Variants in OPCML observed in about 807,000 individuals in gnomAD.
OPCML encodes opioid-binding protein/cell adhesion molecule.
A neutral mutation model predicts 37.8 loss-of-function variants in OPCML; 13 were observed. That is an observed-to-expected ratio of 0.34 (90% CI 0.22 to 0.55). The LOEUF is 0.55. Ranked by LOEUF, OPCML falls within the 20% of genes least tolerant of loss-of-function variation. The pLI is 0.91. For synonymous variants in OPCML, 176 were observed against 168.8 expected, an observed-to-expected ratio of 1.04 and a Z score of -0.33; for missense variants, 341 against 435.6, an observed-to-expected ratio of 0.78 and a Z score of 1.93.
intron 1 of OPCML, among the ~76,000 whole-genome samples, chr11:133,053,121 G>A (rs1463027803): frequency 6.6e-5 from 10 of 152,130 alleles, no homozygotes; most frequent in Non-Finnish European, 1.3e-4. Flanking sequence ...ATCTTGGTTG[G>A]ACTCCCAGTT....
intron 2 of OPCML, among the ~76,000 whole-genome samples, chr11:132,925,762 T>C (rs1028177712): frequency 6.6e-6 from 1 of 152,196 alleles, no homozygotes; most frequent in Non-Finnish European, 1.5e-5. Flanking sequence ...TTCAATTCTC[T>C]GACGGATCTG....
At chr11:132,621,236 A>G (rs1939390345) in intron 3 of OPCML, among the ~76,000 whole-genome samples, 1 of 152,188 alleles carries the variant, frequency 6.6e-6, no homozygotes, top group Admixed American at 6.5e-5. Context: ...GTGTTAGAAA[A>G]CTGTCTGGTA....
chr11:132,741,768 T>C (rs1440387142), intron 2 of OPCML, among the ~76,000 whole-genome samples: 3 of 152,112 alleles, frequency 2.0e-5, no homozygotes, highest in African/African-American at 7.2e-5. Context: ...GGCTCATGCA[T>C]GTAATCCCAG....
chr11:133,203,244 C>T (rs1284968068), intron 1 of OPCML, among the ~76,000 whole-genome samples: 1 of 152,230 alleles, frequency 6.6e-6, no homozygotes, highest in Admixed American at 6.5e-5. Context: ...GATAGGTTTG[C>T]TCATCTGAAA....
intron 2 of OPCML, among the ~76,000 whole-genome samples, chr11:132,667,920 G>A (rs1487248717): frequency 6.6e-6 from 1 of 152,210 alleles, no homozygotes; most frequent in Non-Finnish European, 1.5e-5. Flanking sequence ...GCAATGCCTA[G>A]CTTCAGGCAT....
chr11:132,945,293 T>C (rs1359691804), intron 1 of OPCML, among the ~76,000 whole-genome samples: 1 of 152,248 alleles, frequency 6.6e-6, no homozygotes, highest in African/African-American at 2.4e-5. Flanking sequence ...ACCTAGGCTG[T>C]ATGGTAGAGC....
At chr11:132,437,190 C>T (rs1242240890) in intron 5 of OPCML, 32 bp downstream of exon 5, 2 of 1,606,270 alleles carry the variant, frequency 1.2e-6, no homozygotes, top group Non-Finnish European at 1.7e-6. Context: ...GCCGTCTTTT[C>T]CCCAGAACCC....
intron 1 of OPCML, among the ~76,000 whole-genome samples, chr11:133,143,232 A>T (rs1208739154): frequency 6.6e-6 from 1 of 152,180 alleles, no homozygotes. Flanking sequence ...AGATCTCACT[A>T]GGTCTGTCTC....
At chr11:133,138,048 C>G (rs73041167) in intron 1 of OPCML, among the ~76,000 whole-genome samples, 1 of 152,042 alleles carries the variant, frequency 6.6e-6, no homozygotes, top group African/African-American at 2.4e-5. Context: ...AAGTGGGGCC[C>G]GGTGGGAGGT....
At chr11:133,016,568 C>A (rs1947339769) in intron 1 of OPCML, among the ~76,000 whole-genome samples, 1 of 152,160 alleles carries the variant, frequency 6.6e-6, no homozygotes, top group African/African-American at 2.4e-5. Context: ...GATGTTCATC[C>A]TATTTCAAGG....
intron 1 of OPCML, among the ~76,000 whole-genome samples, chr11:133,168,019 A>G (rs994325286): frequency 2.6e-5 from 4 of 152,188 alleles, no homozygotes; most frequent in African/African-American, 9.7e-5. Flanking sequence ...ATAATAAGAG[A>G]AGATAAGAAA....
chr11:132,443,628 T>C (rs1286397623), intron 4 of OPCML, among the ~76,000 whole-genome samples: 1 of 152,206 alleles, frequency 6.6e-6, no homozygotes, highest in Non-Finnish European at 1.5e-5. Flanking sequence ...ATTCAAGCTG[T>C]CAAGGAACAC....
chr11:132,511,425 T>C (rs188926777), intron 4 of OPCML, among the ~76,000 whole-genome samples: 19 of 152,196 alleles, frequency 1.2e-4, no homozygotes, highest in South Asian at 6.2e-4. Flanking sequence ...AAACCGATTA[T>C]AAAATTATAT....
intron 3 of OPCML, among the ~76,000 whole-genome samples, chr11:132,563,920 A>C (rs1471428222): frequency 6.6e-6 from 1 of 152,170 alleles, no homozygotes; most frequent in Admixed American, 6.5e-5. Context: ...ATTTTGCCCC[A>C]AAATGCTGTT....
chr11:132,520,211 A>G (rs188971889), intron 4 of OPCML, among the ~76,000 whole-genome samples: 31 of 152,192 alleles, frequency 2.0e-4, no homozygotes, highest in African/African-American at 7.0e-4. Context: ...TTGATTCAAT[A>G]TATCATTTTA....
intron 4 of OPCML, among the ~76,000 whole-genome samples, chr11:132,486,222 C>T (rs2096199343): frequency 6.6e-6 from 1 of 152,148 alleles, no homozygotes; most frequent in Non-Finnish European, 1.5e-5. Context: ...GGGGATTCTG[C>T]AGAGGGTTTC....
At chr11:132,701,284 G>A (rs1049570970) in intron 2 of OPCML, among the ~76,000 whole-genome samples, 1 of 152,146 alleles carries the variant, frequency 6.6e-6, no homozygotes, top group African/African-American at 2.4e-5. Flanking sequence ...CAGTATGGGG[G>A]AAATTGACCC....
At chr11:132,997,765 C>T (rs1055161046) in intron 1 of OPCML, among the ~76,000 whole-genome samples, 13 of 152,208 alleles carry the variant, frequency 8.5e-5, no homozygotes, top group Admixed American at 7.2e-4. Context: ...TCCACAAATA[C>T]TAATTCCTTC....
intron 3 of OPCML, among the ~76,000 whole-genome samples, chr11:132,601,210 C>G (rs1937866443): frequency 6.6e-6 from 1 of 152,046 alleles, no homozygotes. Flanking sequence ...AATGGTTTCT[C>G]CTGCTCAGAA....
Sources: gnomAD v4.1 joint callset for allele counts (sites outside exome capture counted in the v4.1 genomes callset) on GRCh38, gnomAD v4.1.1 for gene constraint, MANE v1.5 for transcripts, NCBI Gene and HGNC (gene_info 2026-07-23, HGNC 2026-07-21) for gene names.